The following DOCK8 variants were observed in gnomAD, a reference collection of about 807,000 sequenced individuals.
DOCK8 encodes the protein dedicator of cytokinesis 8.
DOCK8 carries 141 observed loss-of-function variants against 245.6 expected under a neutral mutation model. That is an observed-to-expected ratio of 0.57 (90% CI 0.50 to 0.66). DOCK8 has a LOEUF of 0.66. Among genes scored for constraint, DOCK8 ranks in the 30% least tolerant of loss-of-function variants. The pLI is 0.00. For synonymous variants in DOCK8, 1,168 were observed against 970.2 expected (o/e 1.20, Z -3.79); for missense variants, 2,965 against 2,603.4 (o/e 1.14, Z -3.02).
At chr9:404,608 G>A (rs964246429) in intron 26 of DOCK8, among the ~76,000 whole-genome samples, 4 of 151,896 alleles carry the variant, frequency 2.6e-5, no homozygotes, top group African/African-American at 4.8e-5. Context: ...ATTATGTTAC[G>A]GTGAAGATGT....
rs753482596 is a variant in DOCK8, at chr9:404,904, A to G, written c.3235-14A>G. On this transcript the variant is annotated splice_polypyrimidine_tract_variant and intron_variant, in intron 26 of 47. Transcript: ENST00000432829. ...TAATAAATGTTTCATTCCTCTTTTC[A>G]TTTTTCTTCCCAGCTGTCAGCCAAG... The G allele has an allele frequency of 6.2e-7, 1 of 1,613,356 alleles. No homozygotes were observed. The highest frequency in any genetic ancestry group is 1.3e-5 in the African/African-American group (1 of 74,770).
chr9:234,101 A>G (rs1010135861), intron 1 of DOCK8, among the ~76,000 whole-genome samples: 1 of 152,112 alleles, frequency 6.6e-6, no homozygotes, highest in African/African-American at 2.4e-5. Flanking sequence ...GGTGGTGACA[A>G]AATCTCTCAG....
At chr9:359,334 G>A (rs2052609482) in intron 14 of DOCK8, among the ~76,000 whole-genome samples, 1 of 152,182 alleles carries the variant, frequency 6.6e-6, no homozygotes, top group Non-Finnish European at 1.5e-5. Context: ...CTGCTGCTGT[G>A]TTACCTGGTA....
chr9:263,555 C>G (rs1247555508), intron 1 of DOCK8, among the ~76,000 whole-genome samples: 1 of 152,160 alleles, frequency 6.6e-6, no homozygotes, highest in East Asian at 1.9e-4. Context: ...TATTTCAATG[C>G]TTTCAGCACT....
chr9:364,289 C>T (rs749920384), intron 14 of DOCK8, among the ~76,000 whole-genome samples: 49 of 152,168 alleles, frequency 3.2e-4, no homozygotes, highest in Admixed American at 2.8e-3. Flanking sequence ...AACTGAACAA[C>T]GTTTAGTGGC....
In DOCK8 at chr9:403,858, A is replaced by ATCTCTCTGTCTCTCTG. The variant is rs1554693888; in HGVS notation, c.3235-1053_3235-1052insGTCTCTCTGTCTCTCT. Among the ~76,000 whole-genome samples, 33 of 83,966 alleles carry ATCTCTCTGTCTCTCTG rather than the reference A, an allele frequency of 3.9e-4. 1 individual carries two copies. The highest frequency in any genetic ancestry group is 9.4e-4 in the South Asian group (2 of 2,138). The allele number at this position is 83,966 out of a possible 152,430, so 55.1% of individuals were successfully genotyped here. ...CCAGTTCAACAGAGCAAGACTCTGTATCTCTCTCTCTCTCTCTCTCTCTCT... is the reference window on the plus strand; with the variant it reads ...CCAGTTCAACAGAGCAAGACTCTGTATCTCTCTGTCTCTCTGTCTCTCTCTCTCTCTCTCTCTCTCT... On this transcript the variant is annotated intron_variant, in intron 26 of 47. Transcript: ENST00000432829.
chr9:438,031 A>C (rs926699885), intron 39 of DOCK8, among the ~76,000 whole-genome samples: 1 of 152,274 alleles, frequency 6.6e-6, no homozygotes, highest in African/African-American at 2.4e-5. Flanking sequence ...TCACAGAAAC[A>C]TCATAATACA....
chr9:322,412 C>T (rs1038253633), intron 7 of DOCK8, among the ~76,000 whole-genome samples: 3 of 147,344 alleles, frequency 2.0e-5, no homozygotes, highest in Non-Finnish European at 3.0e-5. Context: ...AAAACCTGAC[C>T]GAACACTCAC....
chr9:428,235 G>A, intron 34 of DOCK8, 127 bp from the exon 35 acceptor site: 1 of 1,442,346 alleles, frequency 6.9e-7, no homozygotes, highest in South Asian at 1.2e-5. Context: ...TACCCATGGT[G>A]GCTCACCAAA....
chr9:426,061 G>C (rs2056488465), intron 33 of DOCK8, among the ~76,000 whole-genome samples: 4 of 151,968 alleles, frequency 2.6e-5, no homozygotes, highest in Admixed American at 2.6e-4. Flanking sequence ...GAGGCATCTT[G>C]GTAAAGTCAA....
At chr9:309,098 C>G (rs1380474173) in intron 5 of DOCK8, among the ~76,000 whole-genome samples, 3 of 152,210 alleles carry the variant, frequency 2.0e-5, no homozygotes, top group Admixed American at 2.0e-4. Context: ...CTTGCCCTCA[C>G]ATTCTTGCAC....
intron 18 of DOCK8, among the ~76,000 whole-genome samples, chr9:375,245 C>T (rs2053468764): frequency 6.6e-6 from 1 of 152,114 alleles, no homozygotes; most frequent in African/African-American, 2.4e-5. Flanking sequence ...TGATGAAAGA[C>T]ATACAAACCT....
intron 1 of DOCK8, among the ~76,000 whole-genome samples, chr9:244,992 GT>G (rs892069175): frequency 2.0e-5 from 3 of 152,078 alleles, no homozygotes; most frequent in African/African-American, 7.2e-5. Flanking sequence ...AGACCCTTGG[GT>G]TTTCTGACCA....
chr9:446,279 C>G (rs2057255509), intron 43 of DOCK8, 91 bp from the exon 44 acceptor site: 1 of 1,093,130 alleles, frequency 9.1e-7, no homozygotes, highest in Admixed American at 1.7e-5. Flanking sequence ...GCGGTGCCGG[C>G]ACGCCGTGTT....
chr9:326,600 G>A (rs189687055), intron 8 of DOCK8, among the ~76,000 whole-genome samples: 35 of 152,264 alleles, frequency 2.3e-4, no homozygotes, highest in Admixed American at 3.9e-4. Flanking sequence ...TTTGAAAACC[G>A]CTGGCCTATA....
chr9:332,276 G>A (rs2051046843), intron 9 of DOCK8, 122 bp from the exon 10 acceptor site: 1 of 673,070 alleles, frequency 1.5e-6, no homozygotes, highest in East Asian at 2.8e-5. Context: ...AAAAAAATAT[G>A]TATCACAGAT....
intron 14 of DOCK8, among the ~76,000 whole-genome samples, chr9:350,528 T>A (rs1392317917): frequency 1.3e-5 from 2 of 152,172 alleles, no homozygotes; most frequent in Admixed American, 1.3e-4. Context: ...AGAACATCAA[T>A]GAGATAGTCT....
intron 2 of DOCK8, among the ~76,000 whole-genome samples, chr9:276,637 G>C (rs891581660): frequency 6.6e-6 from 1 of 152,128 alleles, no homozygotes; most frequent in African/African-American, 2.4e-5. Flanking sequence ...GCTGTGGCTA[G>C]TAAATAACCC....
intron 12 of DOCK8, among the ~76,000 whole-genome samples, chr9:338,362 T>C (rs1033756038): frequency 1.3e-5 from 2 of 152,020 alleles, no homozygotes; most frequent in African/African-American, 4.8e-5. Context: ...ATCATAGAAA[T>C]AGTAAAGGTC....
Sources: gnomAD v4.1 joint callset for allele counts (sites outside exome capture counted in the v4.1 genomes callset) on GRCh38, gnomAD v4.1.1 for gene constraint, MANE v1.5 for transcripts, NCBI Gene and HGNC (gene_info 2026-07-23, HGNC 2026-07-21) for gene names.